MYT1L: variants seen among roughly 807,000 people sequenced by gnomAD.
The protein encoded by MYT1L is myelin transcription factor 1 like, also known as myelin transcription factor 1-like protein.
A neutral mutation model predicts 126.7 loss-of-function variants in MYT1L; 12 were observed. That is an observed-to-expected ratio of 0.09 (90% CI 0.06 to 0.15). The LOEUF (loss-of-function observed/expected upper bound fraction) is 0.15, where lower values mean the gene tolerates loss of function less well. MYT1L is among the 10% of genes least tolerant of loss of function. The pLI is 1.00. For synonymous variants in MYT1L, 541 were observed against 604.2 expected, an observed-to-expected ratio of 0.90 and a Z score of 1.53; for missense variants, 979 against 1,585.2, an observed-to-expected ratio of 0.62 and a Z score of 6.49.
intron 11 of MYT1L, among the ~76,000 whole-genome samples, chr2:1,916,574 G>T (rs994452714): frequency 1.3e-5 from 2 of 152,124 alleles, no homozygotes; most frequent in Non-Finnish European, 2.9e-5. Context: ...AAAAAATTTA[G>T]CTATATTCAT....
At chr2:2,279,888 A>C in intron 2 of MYT1L, among the ~76,000 whole-genome samples, 1 of 152,216 alleles carries the variant, frequency 6.6e-6, no homozygotes, top group East Asian at 1.9e-4. Flanking sequence ...AGCAGACAGC[A>C]CTTACGTGAT....
At chr2:2,291,951 GA>G (rs1191059585) in intron 1 of MYT1L, among the ~76,000 whole-genome samples, 2 of 152,222 alleles carry the variant, frequency 1.3e-5, no homozygotes, top group Non-Finnish European at 2.9e-5. Flanking sequence ...AGGAGCGCTC[GA>G]CAGCCCGCAG....
At chr2:2,253,691 G>C (rs2094722563) in intron 2 of MYT1L, among the ~76,000 whole-genome samples, 1 of 152,074 alleles carries the variant, frequency 6.6e-6, no homozygotes, top group Non-Finnish European at 1.5e-5. Flanking sequence ...AGCAGGGCAG[G>C]AGAGCAAGTC....
rs759998216 is a variant in MYT1L, at chr2:1,791,997, T to C, written c.3431A>G (p.Asn1144Ser). The change falls in exon 25 of 25, where the codon AAT becomes AGT. Residue 1144 changes from asparagine to serine, a missense_variant. Coordinates refer to ENST00000647738, the MANE Select transcript of MYT1L (RefSeq NM_001303052.2). This position sits in a 1 kb window ranked among gnomAD's most constrained non-coding sequence, Gnocchi z 6.0. ...NIQLPHMDPI[N>S]EQNFDAYVTT... Reference sequence around the variant, plus strand: ...CACGTAAGCATCAAAATTTTGTTCATTGATTGGATCCTACGAGATATTAAA... The same window carrying C: ...CACGTAAGCATCAAAATTTTGTTCACTGATTGGATCCTACGAGATATTAAA... 2.5e-6 allele frequency: 4 copies of C among 1,600,756 alleles called. No individual in the cohort carries two copies. The highest frequency in any genetic ancestry group is 2.2e-5 in the East Asian group (1 of 44,814).
At position 1,887,400 on chromosome 2, in the gene MYT1L, C is replaced by A; in HGVS notation, c.2642+88G>T. Reference sequence around the variant, plus strand: ...CTGCGAATGTCGCATGCTCAAACGGCAAGGCATATACAGATCCAGTTTTAA... The same window carrying A: ...CTGCGAATGTCGCATGCTCAAACGGAAAGGCATATACAGATCCAGTTTTAA... On this transcript the variant is annotated intron_variant, in intron 17 of 24. Coordinates refer to ENST00000647738, the MANE Select transcript of MYT1L (RefSeq NM_001303052.2). The surrounding 1 kb of genome is among the most constrained non-coding windows in gnomAD (Gnocchi z 4.8). 1 of 1,552,570 alleles carries A rather than the reference C, an allele frequency of 6.4e-7. No homozygotes were observed. Among genetic ancestry groups the A allele is most frequent in the Non-Finnish European group, 8.9e-7 (1 of 1,129,528 alleles).
chr2:2,123,237 T>C (rs556998155), intron 3 of MYT1L, among the ~76,000 whole-genome samples: 1 of 152,336 alleles, frequency 6.6e-6, no homozygotes, highest in South Asian at 2.1e-4. Flanking sequence ...TTCAGCATCT[T>C]AGAGCCTGTG....
At chr2:2,046,097 T>C (rs1414971710) in intron 4 of MYT1L, among the ~76,000 whole-genome samples, 2 of 152,232 alleles carry the variant, frequency 1.3e-5, no homozygotes, top group Non-Finnish European at 2.9e-5. Context: ...CACATATGCA[T>C]GGCACAGCAT....
At chr2:1,937,651 C>A (rs2056138146) in intron 9 of MYT1L, among the ~76,000 whole-genome samples, 1 of 151,934 alleles carries the variant, frequency 6.6e-6, no homozygotes, top group Admixed American at 6.6e-5. Flanking sequence ...GCCCTAACAT[C>A]CGCGGCCATC....
At chr2:2,217,233 A>G (rs1190545151) in intron 2 of MYT1L, among the ~76,000 whole-genome samples, 6 of 152,252 alleles carry the variant, frequency 3.9e-5, no homozygotes, top group Admixed American at 1.3e-4. Flanking sequence ...ACAAATATCC[A>G]TAATGAACAT....
In MYT1L at chr2:2,224,550, T is replaced by A. The variant is rs553761070; in HGVS notation, c.-420-51562A>T. ...AATAAATGTTTCAGGCTGGGCACGG[T>A]GGCTGAAGCCTGTAATCTCAACACT... On this transcript the variant is annotated intron_variant, in intron 2 of 24. Coordinates refer to ENST00000647738, the MANE Select transcript of MYT1L (RefSeq NM_001303052.2). This position sits in a 1 kb window ranked among gnomAD's most constrained non-coding sequence, Gnocchi z 4.0. Among the ~76,000 whole-genome samples, 224 of 152,288 alleles carry A rather than the reference T, an allele frequency of 1.5e-3. 2 individuals carry two copies. The highest frequency in any genetic ancestry group is 5.2e-3 in the African/African-American group (217 of 41,564).
chr2:2,067,140 G>A (rs953197438), intron 3 of MYT1L, among the ~76,000 whole-genome samples: 3 of 152,140 alleles, frequency 2.0e-5, no homozygotes, highest in Admixed American at 6.5e-5. Context: ...TTGTAAAAAG[G>A]AGAATCAGGA....
chr2:2,157,722 T>C (rs569673163), intron 3 of MYT1L, among the ~76,000 whole-genome samples: 3 of 152,308 alleles, frequency 2.0e-5, no homozygotes, highest in Non-Finnish European at 4.4e-5. Flanking sequence ...GCTTCTTTTA[T>C]AGGATATGCA....
intron 3 of MYT1L, among the ~76,000 whole-genome samples, chr2:2,120,566 G>A (rs1034772474): frequency 1.3e-5 from 2 of 151,854 alleles, no homozygotes; most frequent in African/African-American, 4.8e-5. Flanking sequence ...TGCCCTGAAG[G>A]CCGGCTCTGT....
chr2:2,255,973 T>G (rs2094799397), intron 2 of MYT1L, among the ~76,000 whole-genome samples: 1 of 152,206 alleles, frequency 6.6e-6, no homozygotes, highest in African/African-American at 2.4e-5. Flanking sequence ...GGTACTTTTC[T>G]GCAGCTACCA....
chr2:1,888,379 A>C (rs1253741654), intron 16 of MYT1L, among the ~76,000 whole-genome samples: 1 of 152,220 alleles, frequency 6.6e-6, no homozygotes, highest in Non-Finnish European at 1.5e-5. Flanking sequence ...GTTCTTTTTC[A>C]CAATGCCTGG....
chr2:2,301,031 C>T lies in MYT1L; in HGVS notation c.-520-16528G>A, dbSNP rs181563489. Among the ~76,000 whole-genome samples, 489 of 152,270 alleles carry T rather than the reference C, an allele frequency of 3.2e-3. 14 individuals are homozygous for T. Among genetic ancestry groups the T allele is most frequent in the East Asian group, 0.01 (53 of 5,182 alleles). Reference sequence around the variant, plus strand: ...GAAGCCTACATTTACATGAATCCAGCGAGTGTTCTGTAAACCCAGACCTTT... The same window carrying T: ...GAAGCCTACATTTACATGAATCCAGTGAGTGTTCTGTAAACCCAGACCTTT... On this transcript the variant is annotated intron_variant, in intron 1 of 24. Transcript: ENST00000647738.
intron 4 of MYT1L, among the ~76,000 whole-genome samples, chr2:2,023,016 C>T (rs902367233): frequency 6.6e-6 from 1 of 152,228 alleles, no homozygotes; most frequent in Non-Finnish European, 1.5e-5. Context: ...AAGAAAGCAT[C>T]TTTCATGATA....
chr2:2,304,754 G>A (rs776939316), intron 1 of MYT1L, among the ~76,000 whole-genome samples: 22 of 152,322 alleles, frequency 1.4e-4, no homozygotes, highest in Middle Eastern at 6.8e-3. Context: ...TTGGCATACA[G>A]ACCATAGTTT....
At chr2:2,004,711 C>T (rs1213174458) in intron 4 of MYT1L, among the ~76,000 whole-genome samples, 1 of 133,692 alleles carries the variant, frequency 7.5e-6, no homozygotes, top group Middle Eastern at 6.0e-3. Context: ...GTGTGCCTTT[C>T]CTGCGTGCCT....
Sources: allele counts gnomAD v4.1 joint callset (sites outside exome capture counted in the v4.1 genomes callset), GRCh38; gene constraint gnomAD v4.1.1; non-coding constraint Gnocchi (gnomAD v3.1); transcripts MANE v1.5; gene names NCBI Gene and HGNC (gene_info 2026-07-23, HGNC 2026-07-21).